Variants in CNTN1 observed in about 807,000 individuals in gnomAD.
CNTN1 encodes contactin 1.
CNTN1 carries 38 observed loss-of-function variants against 126.4 expected under a neutral mutation model. The observed-to-expected ratio is 0.30, with a 90% CI of 0.23 to 0.39. The LOEUF (loss-of-function observed/expected upper bound fraction) is 0.39. Ranked by LOEUF, CNTN1 falls within the 10% of genes least tolerant of loss-of-function variation. The pLI, the probability that CNTN1 is intolerant of heterozygous loss-of-function variation, is 1.00. For synonymous variants in CNTN1, 413 were observed against 422.6 expected, an observed-to-expected ratio of 0.98 and a Z score of 0.28; for missense variants, 1,009 against 1,248.4, an observed-to-expected ratio of 0.81 and a Z score of 2.89.
intron 1 of CNTN1, among the ~76,000 whole-genome samples, chr12:40,709,082 T>C (rs1372880661): frequency 1.3e-5 from 2 of 152,228 alleles, no homozygotes; most frequent in African/African-American, 2.4e-5. Context: ...AATTAGTATC[T>C]ATGCAGCTAA....
chr12:41,046,658 T>C (rs944551903), intron 23 of CNTN1, among the ~76,000 whole-genome samples: 3 of 151,996 alleles, frequency 2.0e-5, no homozygotes, highest in African/African-American at 4.8e-5. Context: ...CACCAAAAAG[T>C]TTAAGAACCC....
chr12:40,717,439 G>C (rs1942077051), intron 1 of CNTN1, among the ~76,000 whole-genome samples: 1 of 152,122 alleles, frequency 6.6e-6, no homozygotes, highest in Admixed American at 6.5e-5. Context: ...TTATATTCTT[G>C]ATATGCATTG....
intron 15 of CNTN1, chr12:40,971,948 A>C (rs984047422): frequency 9.8e-7 from 1 of 1,018,616 alleles, no homozygotes; most frequent in African/African-American, 1.7e-5. Context: ...ATGAGACATC[A>C]TAATTAGGAC....
At chr12:40,906,678 TGTTTTG>T (rs1359426974) in intron 1 of CNTN1, among the ~76,000 whole-genome samples, 13 of 134,370 alleles carry the variant, frequency 9.7e-5, no homozygotes, top group South Asian at 4.7e-4. Flanking sequence ...GCTTTTTTTT[TGTTTTG>T]TTTTTTTTGA....
intron 16 of CNTN1, among the ~76,000 whole-genome samples, chr12:40,983,576 C>T (rs1405228487): frequency 6.6e-6 from 1 of 151,402 alleles, no homozygotes; most frequent in Non-Finnish European, 1.5e-5. Flanking sequence ...TATTCAAACA[C>T]ATACATACTT....
chr12:40,746,946 T>C (rs1274058593), intron 1 of CNTN1, among the ~76,000 whole-genome samples: 1 of 152,028 alleles, frequency 6.6e-6, no homozygotes, highest in Non-Finnish European at 1.5e-5. Context: ...TAACCAATTA[T>C]TACTTTAGAG....
In CNTN1 at chr12:40,959,059, C is replaced by T. The variant is rs186244280; in HGVS notation, c.1684-55C>T. 1.0e-4 allele frequency: 166 copies of T among 1,607,716 alleles called. 1 individual carries two copies. Among genetic ancestry groups the T allele is most frequent in the East Asian group, 9.0e-4 (40 of 44,616 alleles). On this transcript the variant is annotated intron_variant, in intron 14 of 23. Coordinates refer to ENST00000551295, the MANE Select transcript of CNTN1 (RefSeq NM_001843.4). Reference sequence around the variant, plus strand: ...AAAACTACCTCTTGGATCTTAAATGCCACATAATTGGTGAAAAATGTACTG... The same window carrying T: ...AAAACTACCTCTTGGATCTTAAATGTCACATAATTGGTGAAAAATGTACTG...
intron 1 of CNTN1, among the ~76,000 whole-genome samples, chr12:40,781,545 AT>A (rs1019566582): frequency 5.3e-5 from 8 of 151,916 alleles, no homozygotes; most frequent in African/African-American, 1.9e-4. Flanking sequence ...TGTGGTACAA[AT>A]TTTGTTATTT....
intron 1 of CNTN1, among the ~76,000 whole-genome samples, chr12:40,773,612 T>C (rs1039900372): frequency 4.1e-5 from 6 of 145,748 alleles, no homozygotes; most frequent in Non-Finnish European, 7.5e-5. Context: ...ACAATGTTTT[T>C]CTGACCTCTG....
intron 1 of CNTN1, among the ~76,000 whole-genome samples, chr12:40,703,030 T>G (rs7971467): frequency 6.6e-6 from 1 of 152,112 alleles, no homozygotes; most frequent in East Asian, 1.9e-4. Context: ...TATATATTTT[T>G]TACAGATTAT....
rs148979782 is a variant in CNTN1 at position 40,991,776 on chromosome 12, A to C, written c.1964-1344A>C. 2.5e-3 allele frequency among the ~76,000 whole-genome samples: 386 copies of C among 152,270 alleles called. 1 individual carries two copies. Among genetic ancestry groups the C allele is most frequent in the Middle Eastern group, 6.8e-3 (2 of 294 alleles). On this transcript the variant is annotated intron_variant, in intron 16 of 23. Transcript: ENST00000551295. Reference sequence around the variant, plus strand: ...CCAGGAGGCAGAGCTTGCAGTAAGCAGAGATCACGCAACTGCACTCCAGCC... The same window carrying C: ...CCAGGAGGCAGAGCTTGCAGTAAGCCGAGATCACGCAACTGCACTCCAGCC...
chr12:40,909,949 C>G, intron 2 of CNTN1, 124 bp from the exon 3 acceptor site: 1 of 721,048 alleles, frequency 1.4e-6, no homozygotes. Context: ...GATACTTCAA[C>G]CTTTATAGTA....
In CNTN1 at chr12:40,715,412, T is replaced by C. The variant is rs1419701805; in HGVS notation, c.-77+22820T>C. Among the ~76,000 whole-genome samples the C allele has an allele frequency of 4.0e-5, 6 of 151,852 alleles. No homozygotes were observed. In the East Asian group the frequency reaches 1.2e-3, roughly 29 times the overall value. ...AAAACAGATTCGTTTATGCATAGGA[T>C]AGCCGCATTAGCAGGATTTTTTTTG... On this transcript the variant is annotated intron_variant, in intron 1 of 23. Coordinates refer to ENST00000551295, the MANE Select transcript of CNTN1 (RefSeq NM_001843.4).
At chr12:40,772,638 C>G (rs555921790) in intron 1 of CNTN1, among the ~76,000 whole-genome samples, 47 of 151,896 alleles carry the variant, frequency 3.1e-4, no homozygotes, top group African/African-American at 1.1e-3. Context: ...CATTCTGTAC[C>G]TTGATAATTT....
Position 41,051,395 on chromosome 12 carries a change from C to A in CNTN1, c.2981-18564C>A, listed in dbSNP as rs1395337339. Among the ~76,000 whole-genome samples, 3 of 151,934 alleles carry A rather than the reference C, an allele frequency of 2.0e-5. No individual in the cohort carries two copies. In the East Asian group the frequency reaches 5.8e-4, roughly 29 times the overall value. On this transcript the variant is annotated intron_variant, in intron 23 of 23. Coordinates refer to ENST00000551295, the MANE Select transcript of CNTN1 (RefSeq NM_001843.4). ...TTCGATCTCCTGACCTCGTGATCCACCCACCTCGGCCTCCCAAAGTGCTGG... is the reference window on the plus strand; with the variant it reads ...TTCGATCTCCTGACCTCGTGATCCAACCACCTCGGCCTCCCAAAGTGCTGG...
At position 40,852,889 on chromosome 12, in the gene CNTN1, G is replaced by T. The variant is rs1014303389; in HGVS notation, c.-76-55468G>T. On this transcript the variant is annotated intron_variant, in intron 1 of 23. Coordinates refer to ENST00000551295, the MANE Select transcript of CNTN1 (RefSeq NM_001843.4). ...TTCAAGAAATAATCCTTATTGCATA[G>T]TTTTTTTTTTATCCTGAGAGAATTT... Among the ~76,000 whole-genome samples the T allele has an allele frequency of 7.8e-4, 113 of 145,594 alleles. 2 individuals carry two copies. Among genetic ancestry groups the T allele is most frequent in the African/African-American group, 2.6e-3 (105 of 39,788 alleles).
chr12:40,701,786 C>A lies in CNTN1; in HGVS notation c.-77+9194C>A, dbSNP rs541003384. 5.3e-4 allele frequency among the ~76,000 whole-genome samples: 80 copies of A among 152,244 alleles called. 2 individuals carry two copies. The South Asian group carries it at 0.016, about 30-fold the overall frequency. On this transcript the variant is annotated intron_variant, in intron 1 of 23. Transcript: ENST00000551295. ...TCTGCACAAGTTGAGTGGTAATGAACCTAAGACATCAACTTTAAGTAAAAC... is the reference window on the plus strand; with the variant it reads ...TCTGCACAAGTTGAGTGGTAATGAAACTAAGACATCAACTTTAAGTAAAAC...
chr12:40,995,745 G>GC (rs1566108667), intron 17 of CNTN1, among the ~76,000 whole-genome samples: 3 of 151,622 alleles, frequency 2.0e-5, no homozygotes, highest in Non-Finnish European at 4.4e-5. Flanking sequence ...CTTCTCAATT[G>GC]TAAAAAAAAA....
chr12:40,984,035 G>T (rs1254553767), intron 16 of CNTN1, among the ~76,000 whole-genome samples: 1 of 148,264 alleles, frequency 6.7e-6, no homozygotes, highest in Non-Finnish European at 1.5e-5. Context: ...ACACACAGAG[G>T]ATTAAATATA....
Sources: gnomAD v4.1 joint callset for allele counts (sites outside exome capture counted in the v4.1 genomes callset) on GRCh38, gnomAD v4.1.1 for gene constraint, MANE v1.5 for transcripts, NCBI Gene and HGNC (gene_info 2026-07-23, HGNC 2026-07-21) for gene names.